Variants in TMEM272 observed in about 807,000 individuals in gnomAD.
The protein encoded by TMEM272 is long intergenic non-protein coding RNA 282.
A neutral mutation model predicts 3.7 loss-of-function variants in TMEM272; 8 were observed. The observed-to-expected ratio is 2.17, with a 90% CI of 1.27 to 3.91. The LOEUF (loss-of-function observed/expected upper bound fraction) is 3.91. Among genes scored for constraint, TMEM272 ranks in the 30% most tolerant of loss-of-function variants. The pLI is 0.00. For synonymous variants in TMEM272, 63 were observed against 39.8 expected (o/e 1.58, Z -2.20); for missense variants, 166 against 91.5 (o/e 1.81, Z -3.32).
At chr13:51,876,609 A>C in the TMEM272 span, among the ~76,000 whole-genome samples, 1 of 152,216 alleles carries the variant, frequency 6.6e-6, no homozygotes, top group Admixed American at 6.5e-5. Context: ...TCATGATTCT[A>C]AAATGGAATC....
At position 51,815,887 on chromosome 13, in the gene TMEM272, C is replaced by G. The variant is rs1194244834; in HGVS notation, c.*864G>C. Reference sequence around the variant, plus strand: ...GGAGCTATTATTCGATATTTAAGCTCAGAAACCAAAAACAGCTACACTGAC... The same window carrying G: ...GGAGCTATTATTCGATATTTAAGCTGAGAAACCAAAAACAGCTACACTGAC... On this transcript the variant is annotated 3_prime_UTR_variant, in exon 5 of 5. Coordinates refer to ENST00000629372, the MANE Select transcript of TMEM272 (RefSeq NM_001351003.2). The G allele has an allele frequency of 1.3e-5, 2 of 152,220 alleles. No individual in the cohort carries two copies. Among genetic ancestry groups the G allele is most frequent in the African/African-American group, 4.8e-5 (2 of 41,448 alleles). 9.4% of individuals were successfully genotyped at this position (152,220 alleles called of 1,614,324 possible).
the TMEM272 span, among the ~76,000 whole-genome samples, chr13:51,890,110 A>G: frequency 1.3e-5 from 2 of 152,192 alleles, no homozygotes; most frequent in Non-Finnish European, 2.9e-5. Flanking sequence ...CTACAAATGC[A>G]AGGATGCAGT....
At chr13:51,849,623 A>G (rs1252131305), upstream of TMEM272, among the ~76,000 whole-genome samples, 1 of 151,212 alleles carries the variant, frequency 6.6e-6, no homozygotes, top group Non-Finnish European at 1.5e-5. Context: ...GGGTCTCTTC[A>G]GCCCCAATTT....
the TMEM272 span, among the ~76,000 whole-genome samples, chr13:51,873,764 G>A: frequency 3.9e-5 from 6 of 152,124 alleles, no homozygotes; most frequent in South Asian, 2.1e-4. Flanking sequence ...CTGACCTCGC[G>A]ATCCTTCTAG....
At chr13:51,907,024 T>C in the TMEM272 span, among the ~76,000 whole-genome samples, 1 of 152,176 alleles carries the variant, frequency 6.6e-6, no homozygotes, top group Admixed American at 6.5e-5. Context: ...GCAATGACCC[T>C]CCCCTCCCAC....
the TMEM272 span, among the ~76,000 whole-genome samples, chr13:51,901,924 C>T: frequency 1.3e-5 from 2 of 152,190 alleles, no homozygotes; most frequent in Admixed American, 1.3e-4. Flanking sequence ...AGAGCAAAAA[C>T]GCCAGGCCTT....
At chr13:51,932,049 T>C in the TMEM272 span, among the ~76,000 whole-genome samples, 1 of 152,188 alleles carries the variant, frequency 6.6e-6, no homozygotes, top group Non-Finnish European at 1.5e-5. Flanking sequence ...GGTGAGTATA[T>C]GTCCCAGTTT....
intron 2 of TMEM272, among the ~76,000 whole-genome samples, chr13:51,830,595 C>G (rs890342195): frequency 1.3e-5 from 2 of 152,134 alleles, no homozygotes; most frequent in African/African-American, 4.8e-5. Context: ...TAATAAACAC[C>G]GATAAATGCT....
At chr13:51,925,190 C>T in the TMEM272 span, among the ~76,000 whole-genome samples, 165 of 152,298 alleles carry the variant, frequency 1.1e-3, no homozygotes, top group Admixed American at 3.1e-3. Flanking sequence ...CGTCTAGGCA[C>T]CCCCTAGCAA....
At chr13:51,889,658 T>C in the TMEM272 span, among the ~76,000 whole-genome samples, 1 of 152,068 alleles carries the variant, frequency 6.6e-6, no homozygotes, top group Non-Finnish European at 1.5e-5. Context: ...TTTGTTTTTT[T>C]GAGATGGAGT....
the TMEM272 span, among the ~76,000 whole-genome samples, chr13:51,912,612 A>G: frequency 6.6e-6 from 1 of 152,108 alleles, no homozygotes; most frequent in Non-Finnish European, 1.5e-5. Flanking sequence ...CCACTCCAGG[A>G]AGCCTCGCCA....
chr13:51,880,013 C>G, the TMEM272 span, among the ~76,000 whole-genome samples: 2 of 152,172 alleles, frequency 1.3e-5, no homozygotes, highest in African/African-American at 2.4e-5. Context: ...TCTCTTGTAA[C>G]AACCAGAATT....
chr13:51,891,141 A>C, the TMEM272 span, among the ~76,000 whole-genome samples: 1 of 152,196 alleles, frequency 6.6e-6, no homozygotes, highest in Non-Finnish European at 1.5e-5. Flanking sequence ...GCCACAGCCC[A>C]GTGATCATTC....
At chr13:51,848,119 C>A (rs1245148823), upstream of TMEM272, among the ~76,000 whole-genome samples, 1 of 152,194 alleles carries the variant, frequency 6.6e-6, no homozygotes, top group African/African-American at 2.4e-5. Flanking sequence ...ACAAGAGCCA[C>A]GGAAGAGCTG....
the TMEM272 span, among the ~76,000 whole-genome samples, chr13:51,889,880 A>T: frequency 6.6e-6 from 1 of 152,128 alleles, no homozygotes; most frequent in Non-Finnish European, 1.5e-5. Flanking sequence ...ACCTCAGGTG[A>T]TCCGCCCACC....
chr13:51,852,545 T>C, the TMEM272 span, among the ~76,000 whole-genome samples: 735 of 152,324 alleles, frequency 4.8e-3, 3 homozygotes, highest in Non-Finnish European at 6.5e-3. Flanking sequence ...GTCTTCATCT[T>C]TGAGCAATTT....
the TMEM272 span, among the ~76,000 whole-genome samples, chr13:51,861,619 C>T: frequency 0.051 from 7,687 of 152,112 alleles, 254 homozygotes; most frequent in East Asian, 0.087. Flanking sequence ...GACACACTCA[C>T]GCTACTAGTA....
At chr13:51,897,955 T>C in the TMEM272 span, among the ~76,000 whole-genome samples, 2 of 138,074 alleles carry the variant, frequency 1.4e-5, no homozygotes, top group African/African-American at 2.7e-5. Flanking sequence ...CTGGGCGCGG[T>C]GGCTCACGCC....
chr13:51,901,353 A>G, the TMEM272 span, among the ~76,000 whole-genome samples: 5 of 152,134 alleles, frequency 3.3e-5, no homozygotes, highest in Non-Finnish European at 7.3e-5. Context: ...CTAGAGTTCA[A>G]TGCAGAAATA....
Sources: allele counts gnomAD v4.1 joint callset (sites outside exome capture counted in the v4.1 genomes callset), GRCh38; gene constraint gnomAD v4.1.1; transcripts MANE v1.5; gene names NCBI Gene and HGNC (gene_info 2026-07-23, HGNC 2026-07-21).